Variants in DGKG observed in about 807,000 individuals in gnomAD.
DGKG encodes diacylglycerol kinase gamma, also known as DAG kinase gamma.
In DGKG, 78 loss-of-function variants were observed where a neutral mutation model predicts 105.3. The ratio of observed to expected loss-of-function variants is 0.74; its 90% CI spans 0.62 to 0.89. The LOEUF is 0.89. DGKG is among the 40% of genes least tolerant of loss of function. DGKG has a pLI of 0.00. For synonymous variants in DGKG, 346 were observed against 367.1 expected, an observed-to-expected ratio of 0.94 and a Z score of 0.66; for missense variants, 958 against 1,020.1, an observed-to-expected ratio of 0.94 and a Z score of 0.83.
chr3:186,275,546 C>A lies in DGKG; in HGVS notation c.910+1G>T, dbSNP rs1206984889. 1.2e-6 allele frequency: 2 copies of A among 1,613,512 alleles called. No individual in the cohort carries two copies. The highest frequency in any genetic ancestry group is 2.2e-5 in the East Asian group (1 of 44,890). ...AAGAGGTTTGAAGGAAATTTACTCACAAGTGCAGCACAGGCCTTGCTTGCG... is the reference window on the plus strand; with the variant it reads ...AAGAGGTTTGAAGGAAATTTACTCAAAAGTGCAGCACAGGCCTTGCTTGCG... On this transcript the variant is annotated splice_donor_variant, in intron 10 of 24. Coordinates refer to ENST00000265022, the MANE Select transcript of DGKG (RefSeq NM_001346.3). LOFTEE classifies it high-confidence loss of function.
intron 19 of DGKG, among the ~76,000 whole-genome samples, chr3:186,249,390 C>A (rs1411043225): frequency 6.6e-6 from 1 of 152,202 alleles, no homozygotes; most frequent in Non-Finnish European, 1.5e-5. Context: ...ATCCCTTAAT[C>A]TGAGTCTCTG....
chr3:186,285,623 A>C (rs984676591), intron 6 of DGKG, among the ~76,000 whole-genome samples: 1 of 151,834 alleles, frequency 6.6e-6, no homozygotes, highest in Non-Finnish European at 1.5e-5. Flanking sequence ...ATAAGTCAGC[A>C]TGGCAGGAAG....
At chr3:186,254,406 C>G (rs953696750) in intron 17 of DGKG, among the ~76,000 whole-genome samples, 1 of 152,170 alleles carries the variant, frequency 6.6e-6, no homozygotes, top group African/African-American at 2.4e-5. Context: ...AATGGCCCCT[C>G]TCGTTGTCCT....
At chr3:186,342,013 T>G (rs964336737) in intron 1 of DGKG, among the ~76,000 whole-genome samples, 2 of 151,974 alleles carry the variant, frequency 1.3e-5, no homozygotes, top group Non-Finnish European at 2.9e-5. Context: ...CTGGGGACTG[T>G]TGTGGGGTGG....
chr3:186,269,585 C>G (rs1474576873), intron 11 of DGKG, among the ~76,000 whole-genome samples: 1 of 152,188 alleles, frequency 6.6e-6, no homozygotes. Context: ...CATCCTAATG[C>G]CCAGCCGACA....
intron 1 of DGKG, among the ~76,000 whole-genome samples, chr3:186,350,106 T>C (rs1726556215): frequency 6.6e-6 from 1 of 152,078 alleles, no homozygotes; most frequent in African/African-American, 2.4e-5. Flanking sequence ...GCCAGGCTGG[T>C]CTCGAACTCC....
intron 20 of DGKG, among the ~76,000 whole-genome samples, chr3:186,233,363 T>C (rs1323314984): frequency 8.5e-5 from 13 of 152,164 alleles, no homozygotes; most frequent in Admixed American, 8.5e-4. Flanking sequence ...AAACAGCTTT[T>C]CCCCCAGACT....
chr3:186,317,827 A>C (rs2108637466), intron 2 of DGKG, among the ~76,000 whole-genome samples: 1 of 152,266 alleles, frequency 6.6e-6, no homozygotes, highest in East Asian at 1.9e-4. Context: ...GAGGGCAGGA[A>C]CTGTGTCTCA....
intron 20 of DGKG, among the ~76,000 whole-genome samples, chr3:186,234,439 G>A (rs1448653648): frequency 6.6e-6 from 1 of 152,142 alleles, no homozygotes; most frequent in South Asian, 2.1e-4. Flanking sequence ...CTTGTGAACT[G>A]ATTACACATT....
In DGKG at chr3:186,149,065, T is replaced by G. The variant is rs763440625; in HGVS notation, c.*1025A>C. 2.9e-5 allele frequency: 29 copies of G among 983,838 alleles called. No individual in the cohort carries two copies. Among genetic ancestry groups the G allele is most frequent in the Non-Finnish European group, 3.5e-5 (29 of 829,618 alleles). The allele number at this position is 983,838 out of a possible 1,614,324, so 60.9% of individuals were successfully genotyped here. On this transcript the variant is annotated 3_prime_UTR_variant, in exon 25 of 25. Coordinates refer to ENST00000265022, the MANE Select transcript of DGKG (RefSeq NM_001346.3). ...TAAGACCATCAGAAGGTCCTTCAGG[T>G]CATACTCTGGGAGTGGTGAGTGCAA...
chr3:186,196,817 G>A (rs959907319), intron 21 of DGKG, among the ~76,000 whole-genome samples: 2 of 152,202 alleles, frequency 1.3e-5, no homozygotes, highest in Non-Finnish European at 2.9e-5. Context: ...TCCTGGGAGA[G>A]ATAGGGCTTA....
intron 24 of DGKG, chr3:186,159,871 C>T (rs1380938276): frequency 6.6e-6 from 1 of 152,206 alleles, no homozygotes. Flanking sequence ...GCCATAATCC[C>T]TTAGAACTGG....
In DGKG at chr3:186,178,120, T is replaced by C. The variant is rs182238284; in HGVS notation, c.2095+10082A>G. 3.3e-5 allele frequency among the ~76,000 whole-genome samples: 5 copies of C among 152,304 alleles called. No homozygotes were observed. The East Asian group carries it at 5.8e-4, about 18-fold the overall frequency. On this transcript the variant is annotated intron_variant, in intron 22 of 24. Coordinates refer to ENST00000265022, the MANE Select transcript of DGKG (RefSeq NM_001346.3). ...GACTCTCACCAGGAACCAAGAGTGC[T>C]TGTGGCTTGATCTTGGACTTCCCAG...
intron 5 of DGKG, among the ~76,000 whole-genome samples, chr3:186,297,045 CTCTG>C (rs71164587): frequency 0.027 from 3,683 of 138,238 alleles, 64 homozygotes; most frequent in Middle Eastern, 0.042. Flanking sequence ...AGCCACCTCT[CTCTG>C]TCTGTCTGTC....
intron 1 of DGKG, among the ~76,000 whole-genome samples, chr3:186,353,690 A>ATATCTATATCTATATC (rs1560169619): frequency 1.6e-5 from 2 of 128,660 alleles, no homozygotes; most frequent in Non-Finnish European, 3.6e-5. Context: ...ATCTATATCT[A>ATATCTATATCTATATC]TATCTATATC....
rs116295876 is a variant in DGKG, at chr3:186,282,058, T to C, written c.595-1314A>G. ...AGCTTGGAGAAGATTTTAGGGGAGATGTGATAGCACCTTCAAATACTCGAA... is the reference window on the plus strand; with the variant it reads ...AGCTTGGAGAAGATTTTAGGGGAGACGTGATAGCACCTTCAAATACTCGAA... On this transcript the variant is annotated intron_variant, in intron 7 of 24. Transcript: ENST00000265022. Among the ~76,000 whole-genome samples, 688 of 152,232 alleles carry C rather than the reference T, an allele frequency of 4.5e-3. 6 individuals are homozygous for C. The highest frequency in any genetic ancestry group is 0.015 in the African/African-American group (642 of 41,520).
At chr3:186,318,037 CG>C (rs1560151991) in intron 2 of DGKG, among the ~76,000 whole-genome samples, 2 of 152,182 alleles carry the variant, frequency 1.3e-5, no homozygotes, top group African/African-American at 4.8e-5. Context: ...CAGTTTCCCA[CG>C]AATTAGCATT....
At chr3:186,302,314 A>G (rs1049337263) in intron 3 of DGKG, among the ~76,000 whole-genome samples, 3 of 151,678 alleles carry the variant, frequency 2.0e-5, no homozygotes, top group Non-Finnish European at 2.9e-5. Context: ...TAATCAGTGC[A>G]CCTGAGGAAT....
intron 20 of DGKG, among the ~76,000 whole-genome samples, chr3:186,234,282 T>A (rs1054700384): frequency 6.6e-6 from 1 of 152,250 alleles, no homozygotes; most frequent in African/African-American, 2.4e-5. Context: ...CTCGAAGACA[T>A]CTAAAGTTCC....
Sources: allele counts gnomAD v4.1 joint callset (sites outside exome capture counted in the v4.1 genomes callset), GRCh38; gene constraint gnomAD v4.1.1; transcripts MANE v1.5; gene names NCBI Gene and HGNC (gene_info 2026-07-23, HGNC 2026-07-21).